The following CRLF1 variants were observed in gnomAD, a reference collection of about 807,000 sequenced individuals.
The protein encoded by CRLF1 is cytokine receptor like factor 1, also known as cytokine receptor-like factor 1.
A neutral mutation model predicts 48.9 loss-of-function variants in CRLF1; 36 were observed. That is an observed-to-expected ratio of 0.74 (90% CI 0.56 to 0.97). CRLF1 has a LOEUF of 0.97. Ranked by LOEUF, CRLF1 falls within the 50% of genes least tolerant of loss-of-function variation. The probability of loss-of-function intolerance (pLI) is 0.00; values close to 1 mark genes in which losing one functional copy is unlikely to be tolerated. For synonymous variants in CRLF1, 256 were observed against 253.4 expected (o/e 1.01, Z -0.10); for missense variants, 534 against 575.1 (o/e 0.93, Z 0.73).
At chr19:18,594,720 G>T (rs917306483) in intron 6 of CRLF1, among the ~76,000 whole-genome samples, 3 of 151,970 alleles carry the variant, frequency 2.0e-5, no homozygotes, top group African/African-American at 4.8e-5. Flanking sequence ...GAGTGGAGTG[G>T]GGGGAGGGGA....
intron 1 of CRLF1, among the ~76,000 whole-genome samples, chr19:18,603,836 T>A (rs1478372714): frequency 7.3e-6 from 1 of 136,630 alleles, no homozygotes; most frequent in Non-Finnish European, 1.5e-5. Context: ...GGTCTCCGCG[T>A]CCGTGCGAAG....
chr19:18,594,032 T>TGGGGCCCCC, intron 8 of CRLF1, 33 bp downstream of exon 8: 4 of 695,806 alleles, frequency 5.7e-6, no homozygotes, highest in African/African-American at 2.1e-5. Flanking sequence ...CTCCCCTTGC[T>TGGGGCCCCC]CCCTCCCGCC....
At chr19:18,595,694 G>C (rs2283617) in intron 6 of CRLF1, among the ~76,000 whole-genome samples, 1 of 152,022 alleles carries the variant, frequency 6.6e-6, no homozygotes. Flanking sequence ...TGGGATTCTC[G>C]ACCCCACCTT....
chr19:18,603,991 G>A (rs959355389), intron 1 of CRLF1, among the ~76,000 whole-genome samples: 5 of 152,212 alleles, frequency 3.3e-5, no homozygotes, highest in Admixed American at 2.0e-4. Context: ...GGGTGTGCCA[G>A]CGTCTCTGCC....
intron 1 of CRLF1, among the ~76,000 whole-genome samples, chr19:18,600,981 A>G (rs558972549): frequency 2.6e-5 from 4 of 151,708 alleles, no homozygotes; most frequent in Admixed American, 2.6e-4. Flanking sequence ...ATTTTTAAAT[A>G]TTTTTTTAGA....
intron 1 of CRLF1, among the ~76,000 whole-genome samples, chr19:18,601,948 A>G (rs758119146): frequency 6.6e-6 from 1 of 151,992 alleles, no homozygotes; most frequent in South Asian, 2.1e-4. Context: ...CACGTCCCCA[A>G]CTCCCATCCA....
chr19:18,600,300 G>A (rs1320793798), intron 1 of CRLF1, among the ~76,000 whole-genome samples: 1 of 151,896 alleles, frequency 6.6e-6, no homozygotes, highest in Non-Finnish European at 1.5e-5. Context: ...CCGGGTCCAA[G>A]CAATTCTTCT....
intron 1 of CRLF1, among the ~76,000 whole-genome samples, chr19:18,605,861 GCTCCCT>G (rs1233693502): frequency 6.6e-6 from 1 of 152,072 alleles, no homozygotes; most frequent in Non-Finnish European, 1.5e-5. Context: ...ACTGGCTCCC[GCTCCCT>G]CTCCCTCTCA....
chr19:18,598,261 C>G (rs1976169034), intron 4 of CRLF1, among the ~76,000 whole-genome samples, 171 bp downstream of exon 4: 1 of 152,174 alleles, frequency 6.6e-6, no homozygotes, highest in African/African-American at 2.4e-5. Flanking sequence ...AGCGGATGCT[C>G]AGCTACTTAC....
Position 18,596,985 on chromosome 19 carries a change from G to C in CRLF1, c.762C>G (p.Ser254Arg). 6.2e-7 allele frequency: 1 copy of C among 1,613,816 alleles called. No individual in the cohort carries two copies. Among genetic ancestry groups the C allele is most frequent in the African/African-American group, 1.3e-5 (1 of 75,038 alleles). ...SRVGGLEDQLSVRWVSPPALK... is the reference protein window; with the variant it reads ...SRVGGLEDQLRVRWVSPPALK... Reference sequence around the variant, plus strand: ...GGGCGGGTGGCGACACCCAGCGCACGCTCAGCTGGTCCTCCAGGCCCCCGA... The same window carrying C: ...GGGCGGGTGGCGACACCCAGCGCACCCTCAGCTGGTCCTCCAGGCCCCCGA... Residue 254 changes from serine to arginine, a missense_variant, in exon 5 of 9, where the codon AGC becomes AGG. By Grantham distance (110) the Ser-to-Arg change is moderately radical (BLOSUM62 -1). Around this residue, in one of 2 missense-constraint regions of CRLF1, gnomAD observed 528 missense variants for 555.7 expected, o/e 0.95. Transcript: ENST00000392386.
rs1479617683 is a variant in CRLF1 at position 18,596,604 on chromosome 19, C to T, written c.1024+18G>A. 3.1e-6 allele frequency: 5 copies of T among 1,613,612 alleles called. No individual in the cohort carries two copies. Among genetic ancestry groups the T allele is most frequent in the South Asian group, 2.2e-5 (2 of 91,072 alleles). On this transcript the variant is annotated intron_variant, in intron 6 of 8. Coordinates refer to ENST00000392386, the MANE Select transcript of CRLF1 (RefSeq NM_004750.5). ...TCGGACTGGCCGCTGGATCACCCAG[C>T]CCTAGGAGGGTGCTCACCACTGCGG...
chr19:18,599,326 G>A (rs1033322481), intron 2 of CRLF1, among the ~76,000 whole-genome samples: 3 of 152,104 alleles, frequency 2.0e-5, no homozygotes, highest in Admixed American at 1.3e-4. Context: ...GCCTGGCCTC[G>A]AACTCCTGGC....
intron 1 of CRLF1, 151 bp from the exon 2 acceptor site, chr19:18,599,997 G>T: frequency 1.1e-6 from 1 of 872,012 alleles, no homozygotes; most frequent in Non-Finnish European, 1.6e-6. Context: ...AGATCAGTTG[G>T]GTTAAATGCC....
intron 4 of CRLF1, among the ~76,000 whole-genome samples, chr19:18,597,883 A>T (rs1432313871): frequency 1.3e-5 from 2 of 151,408 alleles, no homozygotes; most frequent in Non-Finnish European, 2.9e-5. Flanking sequence ...ACCCAGGCGT[A>T]TGTGTGTGTT....
intron 4 of CRLF1, among the ~76,000 whole-genome samples, chr19:18,598,042 G>A (rs978700310): frequency 6.6e-6 from 1 of 152,112 alleles, no homozygotes; most frequent in African/African-American, 2.4e-5. Context: ...GCTCAATTCT[G>A]CTCACAGATC....
In CRLF1 at chr19:18,606,707, G is replaced by T; in HGVS notation, c.-51C>A. On this transcript the variant is annotated 5_prime_UTR_variant, in exon 1 of 9. Coordinates refer to ENST00000392386, the MANE Select transcript of CRLF1 (RefSeq NM_004750.5). The surrounding 1 kb of genome is among the most constrained non-coding windows in gnomAD (Gnocchi z 4.8). Reference sequence around the variant, plus strand: ...GGCGGGCTGCGGCTCGGCGGCGGTGGCGCAGGGCGCGGGACGCAGGCCGGG... The same window carrying T: ...GGCGGGCTGCGGCTCGGCGGCGGTGTCGCAGGGCGCGGGACGCAGGCCGGG... The T allele has an allele frequency of 7.3e-6, 2 of 272,230 alleles. No homozygotes were observed. The highest frequency in any genetic ancestry group is 1.1e-5 in the Non-Finnish European group (2 of 181,656). The allele number at this position is 272,230 out of a possible 1,614,324, so 16.9% of individuals were successfully genotyped here. A position where few individuals can be genotyped will look rare whatever the true frequency, so the allele number is the denominator to read the frequency against.
intron 4 of CRLF1, 94 bp from the exon 5 acceptor site, chr19:18,597,143 C>G: frequency 7.2e-7 from 1 of 1,398,502 alleles, no homozygotes; most frequent in Non-Finnish European, 9.7e-7. Flanking sequence ...TAGATGGAAC[C>G]TGCCTCTGTT....
In CRLF1 at chr19:18,601,367, C is replaced by T. The variant is rs567896827; in HGVS notation, c.116-1521G>A. ...TCTCGGCTCACCGCAATCTCCGCCT[C>T]CCAGGTTCAAGTGATTCTCCTGCGT... On this transcript the variant is annotated intron_variant, in intron 1 of 8. Coordinates refer to ENST00000392386, the MANE Select transcript of CRLF1 (RefSeq NM_004750.5). Among the ~76,000 whole-genome samples, 8 of 152,224 alleles carry T rather than the reference C, an allele frequency of 5.3e-5. 1 individual carries two copies. In the South Asian group the frequency reaches 1.7e-3, roughly 32 times the overall value.
intron 6 of CRLF1, among the ~76,000 whole-genome samples, chr19:18,595,059 G>A (rs924733204): frequency 5.9e-5 from 9 of 152,182 alleles, no homozygotes; most frequent in Admixed American, 3.9e-4. Context: ...TGGGCCAGGA[G>A]GGCCAGGTGG....
Sources: allele counts gnomAD v4.1 joint callset (sites outside exome capture counted in the v4.1 genomes callset), GRCh38; gene constraint gnomAD v4.1.1; regional missense constraint gnomAD v4.1.1; non-coding constraint Gnocchi (gnomAD v3.1); transcripts MANE v1.5; gene names NCBI Gene and HGNC (gene_info 2026-07-23, HGNC 2026-07-21).